GLS: variants seen among roughly 807,000 people sequenced by gnomAD.
GLS encodes glutaminase kidney isoform, mitochondrial.
In GLS, 36 loss-of-function variants were observed where a neutral mutation model predicts 86.7. The observed-to-expected ratio is 0.42, with a 90% CI of 0.32 to 0.55. The LOEUF is 0.55. Ranked by LOEUF, GLS falls within the 20% of genes least tolerant of loss-of-function variation. GLS has a pLI of 0.17. For synonymous variants in GLS, 317 were observed against 305.9 expected (o/e 1.04, Z -0.38); for missense variants, 528 against 833.4 (o/e 0.63, Z 4.51).
At chr2:190,958,137 T>C (rs1182905810) in intron 17 of GLS, among the ~76,000 whole-genome samples, 1 of 152,232 alleles carries the variant, frequency 6.6e-6, no homozygotes, top group African/African-American at 2.4e-5. Flanking sequence ...TATTCAGGGA[T>C]TTGACTTCTT....
chr2:190,894,838 G>C (rs12990256), intron 1 of GLS, among the ~76,000 whole-genome samples: 1 of 152,026 alleles, frequency 6.6e-6, no homozygotes, highest in African/African-American at 2.4e-5. Flanking sequence ...TTTGTATTGG[G>C]TGATTGTACT....
At chr2:190,933,448 T>A (rs1690172228) in intron 14 of GLS, 4 of 868,536 alleles carry the variant, frequency 4.6e-6, no homozygotes, top group African/African-American at 3.6e-5. Context: ...AAAATTTATT[T>A]AAAAATTTAT....
At chr2:190,957,507 C>T (rs902646888) in intron 17 of GLS, among the ~76,000 whole-genome samples, 6 of 152,188 alleles carry the variant, frequency 3.9e-5, no homozygotes, top group African/African-American at 1.4e-4. Flanking sequence ...GGAATGCTTC[C>T]AGTTTTTTGC....
chr2:190,909,744 A>G (rs1193791677), intron 6 of GLS, among the ~76,000 whole-genome samples: 2 of 152,246 alleles, frequency 1.3e-5, no homozygotes, highest in Admixed American at 6.5e-5. Context: ...CAGAAAGCCT[A>G]AAAATATCCC....
intron 14 of GLS, among the ~76,000 whole-genome samples, chr2:190,941,483 A>G (rs1296493402): frequency 6.6e-6 from 1 of 152,194 alleles, no homozygotes; most frequent in Non-Finnish European, 1.5e-5. Context: ...TGTATCTTTA[A>G]TGTTTCATTT....
At chr2:190,893,627 C>T (rs1688635363) in intron 1 of GLS, among the ~76,000 whole-genome samples, 1 of 152,090 alleles carries the variant, frequency 6.6e-6, no homozygotes, top group African/African-American at 2.4e-5. Flanking sequence ...GCTCTGTTAC[C>T]CACTCTGGAG....
intron 1 of GLS, among the ~76,000 whole-genome samples, chr2:190,891,538 T>C (rs1478535176): frequency 6.6e-6 from 1 of 151,964 alleles, no homozygotes; most frequent in African/African-American, 2.4e-5. Context: ...TGGGGAATTA[T>C]AAGGATTAAG....
intron 5 of GLS, among the ~76,000 whole-genome samples, chr2:190,903,206 T>C (rs921481276): frequency 6.6e-6 from 1 of 152,150 alleles, no homozygotes; most frequent in African/African-American, 2.4e-5. Flanking sequence ...TTTTAGGTGA[T>C]TTTAATTTTT....
In GLS at chr2:190,880,861, C is replaced by T; in HGVS notation, c.-224C>T. Reference sequence around the variant, plus strand: ...GCGGAGCGAAGAGAACCGGTCGCGGCAATCCTAGCGCGCAGCAGCAGCAGC... The same window carrying T: ...GCGGAGCGAAGAGAACCGGTCGCGGTAATCCTAGCGCGCAGCAGCAGCAGC... On this transcript the variant is annotated 5_prime_UTR_variant, in exon 1 of 18. Coordinates refer to ENST00000320717, the MANE Select transcript of GLS (RefSeq NM_014905.5). 2 of 807,894 alleles carry T rather than the reference C, an allele frequency of 2.5e-6. No individual in the cohort carries two copies. Among genetic ancestry groups the T allele is most frequent in the Admixed American group, 2.1e-5 (1 of 46,838 alleles). The allele number at this position is 807,894 out of a possible 1,614,324, so 50.0% of individuals were successfully genotyped here.
intron 1 of GLS, among the ~76,000 whole-genome samples, chr2:190,883,952 A>G (rs765685040): frequency 6.6e-6 from 1 of 152,144 alleles, no homozygotes; most frequent in Non-Finnish European, 1.5e-5. Context: ...GTCACTTTAG[A>G]CTATGCTGTT....
rs551045128 is a variant in GLS at position 190,937,894 on chromosome 2, T to C, written c.1650+6257T>C. Among the ~76,000 whole-genome samples, 5 of 149,714 alleles carry C rather than the reference T, an allele frequency of 3.3e-5. No homozygotes were observed. In the South Asian group the frequency reaches 8.4e-4, roughly 25 times the overall value. ...TCACCAGTAAATTACAGAATACTTA[T>C]TATTGAAAACCATCATGTATTGCTT... On this transcript the variant is annotated intron_variant, in intron 14 of 17. Transcript: ENST00000320717.
Position 190,920,168 on chromosome 2 carries a change from A to G in GLS, c.1039-856A>G, listed in dbSNP as rs1385205678. Reference sequence around the variant, plus strand: ...AGCCTATTTTAGAAATTAGAGATGTATTGTTTCTTTTGGGTGCATATCACC... The same window carrying G: ...AGCCTATTTTAGAAATTAGAGATGTGTTGTTTCTTTTGGGTGCATATCACC... On this transcript the variant is annotated intron_variant, in intron 7 of 17. Transcript: ENST00000320717. The surrounding 1 kb of genome is among the most constrained non-coding windows in gnomAD (Gnocchi z 4.2). The G allele has an allele frequency of 6.6e-6, 1 of 151,914 alleles. No individual in the cohort carries two copies. The highest frequency in any genetic ancestry group is 1.5e-5 in the Non-Finnish European group (1 of 67,818). 9.4% of individuals were successfully genotyped at this position (151,914 alleles called of 1,614,324 possible).
rs538184014 is a variant in GLS at position 190,948,961 on chromosome 2, G to A, written c.1651-4604G>A. On this transcript the variant is annotated intron_variant, in intron 14 of 17. Coordinates refer to ENST00000320717, the MANE Select transcript of GLS (RefSeq NM_014905.5). ...GCTGTCACAGGGCACTGTGTGGGCA[G>A]CTGGCAATAAGCTACATAGATAATG... Among the ~76,000 whole-genome samples the A allele has an allele frequency of 9.2e-5, 14 of 152,286 alleles. No homozygotes were observed. The South Asian group carries it at 2.9e-3, about 32-fold the overall frequency.
At chr2:190,961,952 G>C (rs1172867344) in intron 17 of GLS, among the ~76,000 whole-genome samples, 1 of 152,172 alleles carries the variant, frequency 6.6e-6, no homozygotes, top group Non-Finnish European at 1.5e-5. Flanking sequence ...CAGCCATGGA[G>C]AATTTTGTAA....
rs2124853556 is a variant in GLS at position 190,905,634 on chromosome 2, AC to A, written c.979+468del. Reference sequence around the variant, plus strand: ...TTATTATTTTTCAGTGAGTGTTTTTACTTTTTATCCTTATAACATTAAAAAA... The same window carrying A: ...TTATTATTTTTCAGTGAGTGTTTTTATTTTTATCCTTATAACATTAAAAAA... On this transcript the variant is annotated intron_variant, in intron 6 of 17. Coordinates refer to ENST00000320717, the MANE Select transcript of GLS (RefSeq NM_014905.5). This position sits in a 1 kb window ranked among gnomAD's most constrained non-coding sequence, Gnocchi z 4.6. Among the ~76,000 whole-genome samples the A allele has an allele frequency of 6.6e-6, 1 of 152,048 alleles. No individual in the cohort carries two copies. Among genetic ancestry groups the A allele is most frequent in the East Asian group, 1.9e-4 (1 of 5,178 alleles).
Position 190,886,916 on chromosome 2 carries a change from CAA to C in GLS, c.386+5462_386+5463del, listed in dbSNP as rs11299475. 8.7e-3 allele frequency among the ~76,000 whole-genome samples: 1,031 copies of C among 118,356 alleles called. 13 individuals are homozygous for C. The highest frequency in any genetic ancestry group is 0.023 in the African/African-American group (730 of 31,866). The allele number at this position is 118,356 out of a possible 152,430, so 77.6% of individuals were successfully genotyped here. A position where few individuals can be genotyped will look rare whatever the true frequency, so the allele number is the denominator to read the frequency against. On this transcript the variant is annotated intron_variant, in intron 1 of 17. Coordinates refer to ENST00000320717, the MANE Select transcript of GLS (RefSeq NM_014905.5). ...GGGTGACAGAGCGAGACTCTTGTCT[CAA>C]AAAAAAAAAAAAAAAGAAAGTAATA...
chr2:190,900,384 C>A (rs1393100651), intron 3 of GLS, among the ~76,000 whole-genome samples, 180 bp from the exon 4 acceptor site: 2 of 152,110 alleles, frequency 1.3e-5, no homozygotes, highest in Non-Finnish European at 2.9e-5. Context: ...AGCTTACAAG[C>A]AACTACTTGA....
At chr2:190,919,231 A>G (rs889467012) in intron 7 of GLS, among the ~76,000 whole-genome samples, 4 of 152,138 alleles carry the variant, frequency 2.6e-5, no homozygotes, top group Non-Finnish European at 4.4e-5. Flanking sequence ...AATGTTGAGT[A>G]CCCAAAATGT....
chr2:190,945,077 T>TAGG (rs2124937141), intron 14 of GLS, among the ~76,000 whole-genome samples: 1 of 126,342 alleles, frequency 7.9e-6, no homozygotes, highest in East Asian at 2.3e-4. Flanking sequence ...TAGATAGTAG[T>TAGG]TGCAAGCACT....
Sources: allele counts gnomAD v4.1 joint callset (sites outside exome capture counted in the v4.1 genomes callset), GRCh38; gene constraint gnomAD v4.1.1; non-coding constraint Gnocchi (gnomAD v3.1); transcripts MANE v1.5; gene names NCBI Gene and HGNC (gene_info 2026-07-23, HGNC 2026-07-21).